The following GNS variants were observed in gnomAD, a reference collection of about 807,000 sequenced individuals.
GNS encodes the protein glucosamine (N-acetyl)-6-sulfatase.
A neutral mutation model predicts 69.7 loss-of-function variants in GNS; 40 were observed. That is an observed-to-expected ratio of 0.57 (90% CI 0.45 to 0.75). The LOEUF (loss-of-function observed/expected upper bound fraction) is 0.75, where lower values mean the gene tolerates loss of function less well. Ranked by LOEUF, GNS falls within the 30% of genes least tolerant of loss-of-function variation. The probability of loss-of-function intolerance (pLI) is 0.00; values close to 1 mark genes in which losing one functional copy is unlikely to be tolerated. For synonymous variants in GNS, 243 were observed against 251.6 expected (o/e 0.97, Z 0.32); for missense variants, 565 against 685.5 (o/e 0.82, Z 1.96).
chr12:64,744,938 T>C (rs553546449), intron 4 of GNS, 31 bp from the exon 5 acceptor site: 12 of 952,244 alleles, frequency 1.3e-5, no homozygotes, highest in East Asian at 2.4e-5. Flanking sequence ...AAATTTGTTA[T>C]GAGGTCAGTG....
In GNS at chr12:64,738,915, T is replaced by C. The variant is rs529468038; in HGVS notation, c.994+466A>G. On this transcript the variant is annotated intron_variant, in intron 8 of 13. Transcript: ENST00000258145. ...TGAATCCCATTCAAGTGGACATTTA[T>C]ATATGTGGAAAGAAGAAAACATTTG... 2.6e-5 allele frequency among the ~76,000 whole-genome samples: 4 copies of C among 152,168 alleles called. No individual in the cohort carries two copies. The East Asian group carries it at 7.7e-4, about 29-fold the overall frequency.
intron 10 of GNS, among the ~76,000 whole-genome samples, chr12:64,724,598 C>T (rs1869134910): frequency 6.6e-6 from 1 of 152,216 alleles, no homozygotes; most frequent in Non-Finnish European, 1.5e-5. Flanking sequence ...TGGCTCACGC[C>T]TGTAATCCCA....
intron 11 of GNS, 168 bp downstream of exon 11, chr12:64,722,838 C>G: frequency 1.6e-6 from 1 of 627,836 alleles, no homozygotes; most frequent in Non-Finnish European, 2.9e-6. Flanking sequence ...TCAGCAGCAT[C>G]ATTTCCAAGA....
chr12:64,742,762 T>C (rs1434585652), intron 6 of GNS, among the ~76,000 whole-genome samples: 2 of 152,154 alleles, frequency 1.3e-5, no homozygotes, highest in Non-Finnish European at 2.9e-5. Flanking sequence ...ACCATATTGC[T>C]CTGTGCCACC....
intron 9 of GNS, among the ~76,000 whole-genome samples, chr12:64,732,194 G>A (rs1365604094): frequency 1.1e-5 from 1 of 92,080 alleles, no homozygotes; most frequent in Non-Finnish European, 2.1e-5. Context: ...TTGAGACGGA[G>A]TCTCACTCTG....
intron 1 of GNS, among the ~76,000 whole-genome samples, chr12:64,757,684 T>C (rs1037028042): frequency 6.6e-5 from 10 of 151,976 alleles, no homozygotes; most frequent in African/African-American, 2.4e-4. Context: ...GAAAGAGAGA[T>C]AGATAATGAT....
intron 8 of GNS, among the ~76,000 whole-genome samples, chr12:64,737,939 C>T (rs990867130): frequency 1.3e-5 from 2 of 152,102 alleles, no homozygotes; most frequent in Admixed American, 1.3e-4. Context: ...CCCACTTCTC[C>T]CTGTAAATTC....
At chr12:64,748,962 T>G (rs56082909) in intron 2 of GNS, among the ~76,000 whole-genome samples, 14,279 of 152,194 alleles carry the variant, frequency 0.094, 1,936 homozygotes, top group African/African-American at 0.3. Context: ...TTTTTTGAGA[T>G]GGAGTCTCGC....
chr12:64,719,331 G>C (rs1868952864), intron 13 of GNS, among the ~76,000 whole-genome samples: 1 of 152,160 alleles, frequency 6.6e-6, no homozygotes, highest in Admixed American at 6.6e-5. Context: ...CTTTCCCAGT[G>C]AAAGTTTGAT....
intron 9 of GNS, among the ~76,000 whole-genome samples, chr12:64,732,359 G>A (rs1244884): frequency 0.53 from 80,064 of 150,044 alleles, 22,380 homozygotes; most frequent in East Asian, 0.88. Context: ...CAGTAGAGAC[G>A]GGGTTTCACC....
At chr12:64,738,838 A>C (rs1459166045) in intron 8 of GNS, among the ~76,000 whole-genome samples, 1 of 151,344 alleles carries the variant, frequency 6.6e-6, no homozygotes, top group Non-Finnish European at 1.5e-5. Flanking sequence ...AAAAAATCAC[A>C]ATAATGCATT....
At chr12:64,728,507 T>C (rs1275473540) in intron 10 of GNS, among the ~76,000 whole-genome samples, 1 of 152,248 alleles carries the variant, frequency 6.6e-6, no homozygotes, top group Non-Finnish European at 1.5e-5. Context: ...ATTTTAAAAA[T>C]CTTTGCCAGT....
intron 1 of GNS, among the ~76,000 whole-genome samples, chr12:64,754,970 C>T (rs1233648679): frequency 6.6e-6 from 1 of 151,970 alleles, no homozygotes; most frequent in African/African-American, 2.4e-5. Context: ...ATAATCCGTG[C>T]TTAATTGAAA....
chr12:64,726,614 C>G (rs1869208826), intron 10 of GNS, among the ~76,000 whole-genome samples: 1 of 152,170 alleles, frequency 6.6e-6, no homozygotes, highest in Non-Finnish European at 1.5e-5. Context: ...GCTACCTCAG[C>G]CTTCCAAGTA....
chr12:64,745,206 T>C (rs1869862338), intron 4 of GNS, among the ~76,000 whole-genome samples: 1 of 1,160 alleles, frequency 8.6e-4, no homozygotes, highest in Non-Finnish European at 1.8e-3. Context: ...TCAATAGACT[T>C]TTTTTTTTTT....
At position 64,739,486 on chromosome 12, in the gene GNS, G is replaced by C. The variant is rs1869659577; in HGVS notation, c.889C>G (p.Leu297Val). The C allele has an allele frequency of 6.3e-7, 1 of 1,591,318 alleles. No individual in the cohort carries two copies. The highest frequency in any genetic ancestry group is 1.3e-5 in the African/African-American group (1 of 74,150). ...NAFRKRWQTL[L>V]SVDDLVEKLV... ...TTCTCCACAAGGTCATCAACTGAGA[G>C]GAGAGTTTGCCACCTGGATGTGAAC... Residue 297 changes from leucine (L) to valine (V), a missense_variant, in exon 8 of 14, where the codon CTC (leucine) becomes GTC (valine). By Grantham distance (32) the Leu-to-Val change is conservative (BLOSUM62 1). Coordinates refer to ENST00000258145, the MANE Select transcript of GNS (RefSeq NM_002076.4).
At chr12:64,723,157 A>G (rs1289911009) in intron 10 of GNS, 44 bp from the exon 11 acceptor site, 1 of 1,152,986 alleles carries the variant, frequency 8.7e-7, no homozygotes, top group South Asian at 1.2e-5. Context: ...CACATAGACT[A>G]TGATAAAGAT....
At chr12:64,746,199 A>C (rs1869893706) in intron 3 of GNS, 2 of 201,694 alleles carry the variant, frequency 9.9e-6, no homozygotes, top group South Asian at 1.6e-4. Context: ...TATCTGACCC[A>C]CTACAGAAAA....
chr12:64,721,691 G>C lies in GNS; in HGVS notation c.1323C>G (p.Asp441Glu). Residue 441 changes from aspartate to glutamate, a missense_variant, in exon 12 of 14, where the codon GAC (aspartate) becomes GAG (glutamate). Transcript: ENST00000258145. Reference sequence around the variant, plus strand: ...TGTTATAAGCATCTTCACATACACAGTCTGGGAAGCATTGCTGTAGGGATA... The same window carrying C: ...TGTTATAAGCATCTTCACATACACACTCTGGGAAGCATTGCTGTAGGGATA... ...LSPGVSQCFPDCVCEDAYNNT... is the reference protein window; with the variant it reads ...LSPGVSQCFPECVCEDAYNNT... The C allele has an allele frequency of 6.5e-7, 1 of 1,528,990 alleles. No individual in the cohort carries two copies. The highest frequency in any genetic ancestry group is 1.7e-5 in the Admixed American group (1 of 59,900). The allele number at this position is 1,528,990 out of a possible 1,614,324, so 94.7% of individuals were successfully genotyped here. A position where few individuals can be genotyped will look rare whatever the true frequency, so the allele number is the denominator to read the frequency against.
Sources: gnomAD v4.1 joint callset for allele counts (sites outside exome capture counted in the v4.1 genomes callset) on GRCh38, gnomAD v4.1.1 for gene constraint, MANE v1.5 for transcripts, NCBI Gene and HGNC (gene_info 2026-07-23, HGNC 2026-07-21) for gene names.